COL24A1: variants seen among roughly 807,000 people sequenced by gnomAD.
COL24A1 encodes collagen type XXIV alpha 1 chain, also known as collagen alpha-1(XXIV) chain.
Under a neutral mutation model 253.9 loss-of-function variants are expected in COL24A1, and 224 were observed. The observed-to-expected ratio is 0.88, with a 90% CI of 0.79 to 0.99. COL24A1 has a LOEUF of 0.99. COL24A1 is among the 50% of genes least tolerant of loss of function. The pLI is 0.00. For missense variants in COL24A1, 2,131 were observed against 2,068.5 expected, an observed-to-expected ratio of 1.03 and a Z score of -0.59; for synonymous variants, 685 against 673.7, an observed-to-expected ratio of 1.02 and a Z score of -0.26.
chr1:86,095,067 TAAG>T (rs1401217795), intron 5 of COL24A1, among the ~76,000 whole-genome samples: 1 of 152,002 alleles, frequency 6.6e-6, no homozygotes, highest in African/African-American at 2.4e-5. Flanking sequence ...ATTTTTAAAA[TAAG>T]AAATGATAGC....
At position 85,841,086 on chromosome 1, in the gene COL24A1, A is replaced by G. The variant is rs1283221924; in HGVS notation, c.3627+136T>C. ...TATCATTTAAATTTTGTGACCATAA[A>G]TATCACCCTCCTATCAAACCATGTT... On this transcript the variant is annotated intron_variant, in intron 42 of 59. Transcript: ENST00000370571. The G allele has an allele frequency of 2.7e-5, 17 of 628,346 alleles. No homozygotes were observed. The Middle Eastern group carries it at 1.1e-3, about 42-fold the overall frequency. 38.9% of individuals were successfully genotyped at this position (628,346 alleles called of 1,614,324 possible).
intron 19 of COL24A1, among the ~76,000 whole-genome samples, chr1:85,988,107 A>G (rs1186165727): frequency 6.6e-6 from 1 of 151,408 alleles, no homozygotes; most frequent in Non-Finnish European, 1.5e-5. Flanking sequence ...TGATAAAAAA[A>G]AAAAACAGCA....
At chr1:85,902,393 ATC>A (rs1684408081) in intron 28 of COL24A1, among the ~76,000 whole-genome samples, 1 of 152,166 alleles carries the variant, frequency 6.6e-6, no homozygotes, top group South Asian at 2.1e-4. Flanking sequence ...TCGCCAATAT[ATC>A]TCTTAGTGAC....
At chr1:86,007,284 A>ACTAAATG (rs1696065655) in intron 19 of COL24A1, among the ~76,000 whole-genome samples, 1 of 152,124 alleles carries the variant, frequency 6.6e-6, no homozygotes, top group Admixed American at 6.5e-5. Context: ...GTGCCACTGC[A>ACTAAATG]CACTCACTAA....
intron 19 of COL24A1, among the ~76,000 whole-genome samples, chr1:86,012,025 T>C (rs680179): frequency 0.18 from 27,636 of 151,964 alleles, 3,191 homozygotes; most frequent in African/African-American, 0.32. Context: ...ACTATGTTGC[T>C]CCAGGCTGGT....
intron 57 of COL24A1, among the ~76,000 whole-genome samples, chr1:85,738,602 T>G (rs954869212): frequency 1.3e-5 from 2 of 152,192 alleles, no homozygotes; most frequent in Non-Finnish European, 2.9e-5. Context: ...GGACAGGAAT[T>G]TTTGAATAAG....
At chr1:86,067,355 G>A (rs1701573307) in intron 7 of COL24A1, among the ~76,000 whole-genome samples, 1 of 152,098 alleles carries the variant, frequency 6.6e-6, no homozygotes, top group Non-Finnish European at 1.5e-5. Flanking sequence ...AGTTAGCCTA[G>A]GATAGTAGAG....
chr1:85,998,394 C>T (rs1348681417), intron 19 of COL24A1, among the ~76,000 whole-genome samples: 1 of 152,182 alleles, frequency 6.6e-6, no homozygotes, highest in South Asian at 2.1e-4. Context: ...AGAATCAGCA[C>T]TGATTATTTT....
At chr1:86,091,443 G>A (rs1017364907) in intron 6 of COL24A1, among the ~76,000 whole-genome samples, 1 of 151,746 alleles carries the variant, frequency 6.6e-6, no homozygotes, top group Admixed American at 6.6e-5. Flanking sequence ...AGATCAGATC[G>A]ATTTTGTAAC....
At chr1:85,768,278 G>A (rs958395302) in intron 53 of COL24A1, among the ~76,000 whole-genome samples, 36 of 152,106 alleles carry the variant, frequency 2.4e-4, no homozygotes, top group African/African-American at 8.2e-4. Context: ...TGTAAATCAA[G>A]GCAAGGAAGC....
At chr1:86,140,895 T>C (rs1209060893) in intron 2 of COL24A1, among the ~76,000 whole-genome samples, 4 of 152,186 alleles carry the variant, frequency 2.6e-5, no homozygotes, top group Admixed American at 6.5e-5. Flanking sequence ...AACTTGGACA[T>C]AAAAAATATA....
rs773538065 is a variant in COL24A1, at chr1:86,022,624, T to C, written c.2149-33A>G. On this transcript the variant is annotated intron_variant, in intron 16 of 59. Coordinates refer to ENST00000370571, the MANE Select transcript of COL24A1 (RefSeq NM_152890.7). Reference sequence around the variant, plus strand: ...GCACAATTTCATGCAAAGATACTTATGTATCACAAACATGGCAATATTATA... The same window carrying C: ...GCACAATTTCATGCAAAGATACTTACGTATCACAAACATGGCAATATTATA... The C allele has an allele frequency of 2.0e-5, 32 of 1,592,812 alleles. No individual in the cohort carries two copies. The Admixed American group carries it at 4.4e-4, about 22-fold the overall frequency.
chr1:86,041,692 A>G (rs1232537830), intron 12 of COL24A1, among the ~76,000 whole-genome samples: 1 of 152,102 alleles, frequency 6.6e-6, no homozygotes, highest in East Asian at 1.9e-4. Context: ...TTCTGTTATG[A>G]ATCAGTGTAC....
intron 28 of COL24A1, among the ~76,000 whole-genome samples, chr1:85,896,793 C>T (rs1427138171): frequency 6.6e-6 from 1 of 152,200 alleles, no homozygotes; most frequent in Non-Finnish European, 1.5e-5. Context: ...CCACCACCCA[C>T]CGCGCACGGC....
At chr1:86,065,587 A>G (rs962768770) in intron 7 of COL24A1, among the ~76,000 whole-genome samples, 1 of 152,090 alleles carries the variant, frequency 6.6e-6, no homozygotes, top group Admixed American at 6.5e-5. Flanking sequence ...GGACAATATA[A>G]GTCAGGCCAG....
At chr1:86,074,389 A>G (rs905641682) in intron 7 of COL24A1, among the ~76,000 whole-genome samples, 14 of 152,196 alleles carry the variant, frequency 9.2e-5, no homozygotes, top group African/African-American at 3.4e-4. Flanking sequence ...AAAGGGATCA[A>G]TGCAAAAAAA....
intron 5 of COL24A1, among the ~76,000 whole-genome samples, chr1:86,094,787 TAACTC>T (rs1419446567): frequency 6.7e-6 from 1 of 149,982 alleles, no homozygotes; most frequent in South Asian, 2.1e-4. Flanking sequence ...TTTAAAAACT[TAACTC>T]ATCATCAAAA....
intron 19 of COL24A1, among the ~76,000 whole-genome samples, 167 bp downstream of exon 19, chr1:86,016,984 T>G (rs1697050867): frequency 6.6e-6 from 1 of 152,208 alleles, no homozygotes; most frequent in Admixed American, 6.5e-5. Flanking sequence ...GGATCCCTGT[T>G]GCATACCTCG....
At chr1:86,086,109 T>G (rs1703045925) in intron 7 of COL24A1, among the ~76,000 whole-genome samples, 1 of 152,182 alleles carries the variant, frequency 6.6e-6, no homozygotes, top group Admixed American at 6.5e-5. Context: ...AGACAAATTT[T>G]AATATTTACA....
Sources: gnomAD v4.1 joint callset for allele counts (sites outside exome capture counted in the v4.1 genomes callset) on GRCh38, gnomAD v4.1.1 for gene constraint, MANE v1.5 for transcripts, NCBI Gene and HGNC (gene_info 2026-07-23, HGNC 2026-07-21) for gene names.